The following NR3C2 variants were observed in gnomAD, a reference collection of about 807,000 sequenced individuals.
NR3C2 encodes nuclear receptor subfamily 3 group C member 2.
Under a neutral mutation model 86.4 loss-of-function variants are expected in NR3C2, and 15 were observed. The observed-to-expected ratio is 0.17, with a 90% CI of 0.12 to 0.27. The LOEUF (loss-of-function observed/expected upper bound fraction) is 0.27. Ranked by LOEUF, NR3C2 falls within the 10% of genes least tolerant of loss-of-function variation. The pLI is 1.00. For missense variants in NR3C2, 960 were observed against 1,195.6 expected, an observed-to-expected ratio of 0.80 and a Z score of 2.91; for synonymous variants, 458 against 450.5, an observed-to-expected ratio of 1.02 and a Z score of -0.21.
chr4:148,255,027 G>A (rs75425947), intron 3 of NR3C2, among the ~76,000 whole-genome samples: 1 of 151,994 alleles, frequency 6.6e-6, no homozygotes, highest in Non-Finnish European at 1.5e-5. Flanking sequence ...TTTAGCTTGA[G>A]TCCACTACAA....
chr4:148,331,620 C>G (rs6535602), intron 2 of NR3C2, among the ~76,000 whole-genome samples: 1 of 151,990 alleles, frequency 6.6e-6, no homozygotes, highest in Non-Finnish European at 1.5e-5. Context: ...GAAAAACTGC[C>G]ATTTCCATAA....
At chr4:148,443,091 C>A, upstream of NR3C2, 1 of 495,566 alleles carries the variant, frequency 2.0e-6, no homozygotes, top group Non-Finnish European at 2.6e-6. Flanking sequence ...TACCTCTCAG[C>A]AGAGCAGCAG....
chr4:148,362,085 G>T (rs1745866044), intron 2 of NR3C2, among the ~76,000 whole-genome samples: 1 of 152,132 alleles, frequency 6.6e-6, no homozygotes, highest in African/African-American at 2.4e-5. Flanking sequence ...TGATCCACAG[G>T]CCTCAGGCCA....
chr4:148,366,905 T>C (rs1417726488), intron 2 of NR3C2, among the ~76,000 whole-genome samples: 1 of 152,188 alleles, frequency 6.6e-6, no homozygotes. Flanking sequence ...ACTGGCAACA[T>C]GACTTCAATA....
intron 2 of NR3C2, among the ~76,000 whole-genome samples, chr4:148,302,470 T>C (rs1742388503): frequency 1.3e-5 from 2 of 152,286 alleles, no homozygotes; most frequent in South Asian, 4.1e-4. Flanking sequence ...ATTTAGAAAC[T>C]AGTTGTGAGT....
At chr4:148,249,538 G>A (rs908904678) in intron 3 of NR3C2, among the ~76,000 whole-genome samples, 3 of 151,984 alleles carry the variant, frequency 2.0e-5, no homozygotes, top group Non-Finnish European at 4.4e-5. Flanking sequence ...TCATGTTTTC[G>A]CTGTTAGAAA....
chr4:148,316,892 C>A (rs1343640179), intron 2 of NR3C2, among the ~76,000 whole-genome samples: 1 of 152,112 alleles, frequency 6.6e-6, no homozygotes, highest in African/African-American at 2.4e-5. Context: ...GCCTAGACCT[C>A]CTAGGCTCAA....
chr4:148,228,088 T>G (rs1469431094), intron 3 of NR3C2, among the ~76,000 whole-genome samples: 1 of 152,170 alleles, frequency 6.6e-6, no homozygotes, highest in Non-Finnish European at 1.5e-5. Context: ...CACATAGGTA[T>G]GTATGCATAT....
At chr4:148,369,529 T>A (rs908247982) in intron 2 of NR3C2, among the ~76,000 whole-genome samples, 4 of 152,194 alleles carry the variant, frequency 2.6e-5, no homozygotes, top group Non-Finnish European at 5.9e-5. Context: ...TAAAATCAAC[T>A]GACAAACCTT....
rs115430822 is a variant in NR3C2 at position 148,233,612 on chromosome 4, A to T, written c.1897+26366T>A. On this transcript the variant is annotated intron_variant, in intron 3 of 8. Transcript: ENST00000358102. The stretch of plus-strand genomic sequence containing the variant: ...TGGACTCAAGCAATCCTCCCACCTC[A>T]GCCTCCCAAAGAGCTCAACTCAATT... Among the ~76,000 whole-genome samples, 1,160 of 152,188 alleles carry T rather than the reference A, an allele frequency of 7.6e-3. 10 individuals are homozygous for T. The highest frequency in any genetic ancestry group is 0.025 in the African/African-American group (1,035 of 41,518).
intron 2 of NR3C2, among the ~76,000 whole-genome samples, chr4:148,301,537 T>C (rs1742335874): frequency 6.6e-6 from 1 of 152,236 alleles, no homozygotes; most frequent in Non-Finnish European, 1.5e-5. Context: ...AAGGGTATTA[T>C]ATGGCTTTTC....
intron 3 of NR3C2, among the ~76,000 whole-genome samples, chr4:148,205,906 A>T (rs570114636): frequency 6.6e-6 from 1 of 152,318 alleles, no homozygotes; most frequent in Non-Finnish European, 1.5e-5. Context: ...AAGGCATCAT[A>T]TATTTTGGGA....
At chr4:148,197,816 T>C (rs1264643771) in intron 3 of NR3C2, among the ~76,000 whole-genome samples, 2 of 152,316 alleles carry the variant, frequency 1.3e-5, no homozygotes, top group East Asian at 1.9e-4. Context: ...ACATTAACAA[T>C]TTAAATTATA....
chr4:148,444,330 G>A (rs1750491817), upstream of NR3C2: 1 of 985,388 alleles, frequency 1.0e-6, no homozygotes, highest in South Asian at 4.7e-5. Context: ...CAGCCGCCGC[G>A]ATCACTCGCC....
intron 3 of NR3C2, among the ~76,000 whole-genome samples, chr4:148,255,168 T>A (rs956741804): frequency 6.6e-5 from 10 of 152,174 alleles, no homozygotes; most frequent in African/African-American, 2.4e-4. Flanking sequence ...ACAGGGATAA[T>A]GTGGTTTATG....
At chr4:148,102,474 C>T (rs10031538) in intron 8 of NR3C2, among the ~76,000 whole-genome samples, 39,405 of 152,112 alleles carry the variant, frequency 0.26, 5,840 homozygotes, top group African/African-American at 0.4. Context: ...TGAGCCCCCT[C>T]CTCTGGGCAG....
intron 6 of NR3C2, among the ~76,000 whole-genome samples, chr4:148,152,257 A>G (rs61757902): frequency 4.6e-5 from 7 of 152,322 alleles, no homozygotes; most frequent in Non-Finnish European, 8.8e-5. Flanking sequence ...TGGAATTTAT[A>G]TATACTGATT....
chr4:148,430,007 C>G (rs1749725609), intron 2 of NR3C2, among the ~76,000 whole-genome samples: 1 of 152,222 alleles, frequency 6.6e-6, no homozygotes, highest in African/African-American at 2.4e-5. Flanking sequence ...TGAAGAGAAG[C>G]AAAGTGTTGC....
intron 2 of NR3C2, among the ~76,000 whole-genome samples, chr4:148,294,813 C>CA (rs1028666198): frequency 1.7e-4 from 26 of 149,144 alleles, no homozygotes; most frequent in Admixed American, 4.7e-4. Context: ...CCTGTCTCTA[C>CA]AAAAAAAAAT....
Sources: allele counts gnomAD v4.1 joint callset (sites outside exome capture counted in the v4.1 genomes callset), GRCh38; gene constraint gnomAD v4.1.1; transcripts MANE v1.5; gene names NCBI Gene and HGNC (gene_info 2026-07-23, HGNC 2026-07-21).